EDIL3: variants seen among roughly 807,000 people sequenced by gnomAD.
The protein encoded by EDIL3 is EGF like and discoidin domains 3, also known as EGF-like repeat and discoidin I-like domain-containing protein 3.
In EDIL3, 37 loss-of-function variants were observed where a neutral mutation model predicts 67.4. The ratio of observed to expected loss-of-function variants is 0.55; its 90% confidence interval spans 0.42 to 0.72. The LOEUF (loss-of-function observed/expected upper bound fraction) is 0.72. Ranked by LOEUF, EDIL3 falls within the 30% of genes least tolerant of loss-of-function variation. The probability of loss-of-function intolerance (pLI) is 0.00; values close to 1 mark genes in which losing one functional copy is unlikely to be tolerated. For synonymous variants in EDIL3, 195 were observed against 196.3 expected (o/e 0.99, Z 0.05); for missense variants, 527 against 586.3 (o/e 0.90, Z 1.04).
intron 9 of EDIL3, among the ~76,000 whole-genome samples, chr5:84,010,344 ATTCTTTTTAAAAAATCTGATTC>A (rs1745496218): frequency 6.6e-6 from 1 of 152,010 alleles, no homozygotes; most frequent in Non-Finnish European, 1.5e-5. Context: ...ATTTTATCTC[ATTCTTTTTAAAAAATCTGATTC>A]TTTATAACAT....
intron 1 of EDIL3, among the ~76,000 whole-genome samples, chr5:84,259,807 C>T (rs1260073571): frequency 6.6e-6 from 1 of 152,098 alleles, no homozygotes; most frequent in Non-Finnish European, 1.5e-5. Flanking sequence ...CTTTTAACCT[C>T]AACAGCAAAG....
At chr5:84,169,808 C>A (rs1015038037) in intron 4 of EDIL3, among the ~76,000 whole-genome samples, 1 of 151,974 alleles carries the variant, frequency 6.6e-6, no homozygotes. Context: ...GACATCTGTG[C>A]AATTCTAGAT....
At chr5:84,275,199 C>T (rs1580049985) in intron 1 of EDIL3, among the ~76,000 whole-genome samples, 1 of 152,038 alleles carries the variant, frequency 6.6e-6, no homozygotes, top group African/African-American at 2.4e-5. Context: ...TTCTGTTAAG[C>T]GTGGAAAAAA....
At chr5:84,124,257 G>A (rs1747825742) in intron 5 of EDIL3, among the ~76,000 whole-genome samples, 2 of 151,880 alleles carry the variant, frequency 1.3e-5, no homozygotes, top group African/African-American at 4.8e-5. Flanking sequence ...GGGAAGACAC[G>A]TTGTAGAAAG....
At chr5:84,378,588 T>C in intron 1 of EDIL3, among the ~76,000 whole-genome samples, 1 of 152,232 alleles carries the variant, frequency 6.6e-6, no homozygotes, top group Non-Finnish European at 1.5e-5. Flanking sequence ...AATAAGCTTT[T>C]CTATGATACA....
intron 9 of EDIL3, among the ~76,000 whole-genome samples, chr5:84,056,514 C>T (rs554074928): frequency 7.8e-4 from 106 of 136,258 alleles, no homozygotes; most frequent in Non-Finnish European, 1.4e-3. Context: ...TGAATACATA[C>T]GAATTCCCAA....
intron 2 of EDIL3, among the ~76,000 whole-genome samples, chr5:84,253,383 T>C (rs1356515557): frequency 2.0e-5 from 3 of 152,188 alleles, no homozygotes; most frequent in Admixed American, 1.3e-4. Context: ...TTTCTCTCTT[T>C]AGTTAGAGAG....
chr5:84,362,763 C>G (rs114726290), intron 1 of EDIL3, among the ~76,000 whole-genome samples: 2 of 152,050 alleles, frequency 1.3e-5, no homozygotes, highest in South Asian at 4.1e-4. Context: ...ACCTCCAACT[C>G]TAGATTGGTT....
chr5:84,238,544 AC>A (rs1219355677), intron 2 of EDIL3, among the ~76,000 whole-genome samples: 1 of 151,908 alleles, frequency 6.6e-6, no homozygotes, highest in Non-Finnish European at 1.5e-5. Context: ...GAAATAAAGC[AC>A]AATTTCTGCT....
At chr5:84,234,656 T>C (rs923489712) in intron 2 of EDIL3, among the ~76,000 whole-genome samples, 1 of 152,166 alleles carries the variant, frequency 6.6e-6, no homozygotes, top group African/African-American at 2.4e-5. Flanking sequence ...TACCATCAAA[T>C]AGGAAAATCT....
chr5:84,025,671 C>T (rs562673079), intron 9 of EDIL3, among the ~76,000 whole-genome samples: 4 of 152,122 alleles, frequency 2.6e-5, no homozygotes, highest in Non-Finnish European at 5.9e-5. Flanking sequence ...TACCTCTATG[C>T]ACCCATGCTA....
chr5:84,211,185 G>A (rs1487710955), intron 3 of EDIL3, among the ~76,000 whole-genome samples: 3 of 152,216 alleles, frequency 2.0e-5, no homozygotes, highest in Non-Finnish European at 4.4e-5. Flanking sequence ...CTGGTGGAAG[G>A]TGTCTGGGAT....
chr5:84,221,852 CAA>C (rs1332304236), intron 3 of EDIL3, among the ~76,000 whole-genome samples: 1 of 151,732 alleles, frequency 6.6e-6, no homozygotes, highest in Admixed American at 6.6e-5. Flanking sequence ...ATGTATAAAA[CAA>C]GAGATAAATT....
chr5:84,273,528 T>G (rs1745516000), intron 1 of EDIL3, among the ~76,000 whole-genome samples: 3 of 152,152 alleles, frequency 2.0e-5, no homozygotes, highest in Admixed American at 6.5e-5. Flanking sequence ...GAAGTTAATA[T>G]TCATAAAAAT....
At chr5:84,037,582 A>T (rs1274172542) in intron 9 of EDIL3, among the ~76,000 whole-genome samples, 2 of 152,182 alleles carry the variant, frequency 1.3e-5, no homozygotes, top group East Asian at 1.9e-4. Context: ...TATATTTTTT[A>T]AAAAAACAAA....
chr5:84,127,667 AC>A (rs1747891258), intron 5 of EDIL3, among the ~76,000 whole-genome samples: 1 of 152,110 alleles, frequency 6.6e-6, no homozygotes, highest in Admixed American at 6.6e-5. Context: ...TATTCTGGAA[AC>A]ACTCTTTTCC....
chr5:84,163,675 G>A (rs1748651532), intron 4 of EDIL3, among the ~76,000 whole-genome samples: 1 of 152,060 alleles, frequency 6.6e-6, no homozygotes, highest in Non-Finnish European at 1.5e-5. Context: ...AATGTTAGTA[G>A]TAAGGTATTA....
At chr5:84,003,398 C>T (rs1745364221) in intron 9 of EDIL3, among the ~76,000 whole-genome samples, 1 of 152,104 alleles carries the variant, frequency 6.6e-6, no homozygotes, top group Non-Finnish European at 1.5e-5. Context: ...AGCATATAGC[C>T]CAGGGTGCCA....
At chr5:84,226,167 A>G (rs1744449000) in intron 3 of EDIL3, among the ~76,000 whole-genome samples, 1 of 151,714 alleles carries the variant, frequency 6.6e-6, no homozygotes, top group African/African-American at 2.4e-5. Flanking sequence ...GGCAAACAAA[A>G]GATTTCATTT....
Sources: allele counts gnomAD v4.1 joint callset (sites outside exome capture counted in the v4.1 genomes callset), GRCh38; gene constraint gnomAD v4.1.1; transcripts MANE v1.5; gene names NCBI Gene and HGNC (gene_info 2026-07-23, HGNC 2026-07-21).